Variants in CNTN4 observed in about 807,000 individuals in gnomAD.
The protein encoded by CNTN4 is contactin 4.
CNTN4 carries 77 observed loss-of-function variants against 122.5 expected under a neutral mutation model. The ratio of observed to expected loss-of-function variants is 0.63; its 90% CI spans 0.52 to 0.76. CNTN4 has a LOEUF of 0.76. Among genes scored for constraint, CNTN4 ranks in the 30% least tolerant of loss-of-function variants. The pLI is 0.00. For synonymous variants in CNTN4, 512 were observed against 447.0 expected, an observed-to-expected ratio of 1.15 and a Z score of -1.83; for missense variants, 1,256 against 1,259.1, an observed-to-expected ratio of 1.00 and a Z score of 0.04.
chr3:2,250,688 A>G (rs938274981), intron 2 of CNTN4, among the ~76,000 whole-genome samples: 1 of 151,890 alleles, frequency 6.6e-6, no homozygotes, highest in Non-Finnish European at 1.5e-5. Context: ...ATTTTGTCAC[A>G]CTATTTGCAT....
intron 3 of CNTN4, among the ~76,000 whole-genome samples, chr3:2,489,248 C>G (rs1403842490): frequency 6.6e-6 from 1 of 152,032 alleles, no homozygotes; most frequent in Non-Finnish European, 1.5e-5. Context: ...TTTAAGTATC[C>G]TAGAATTATC....
chr3:2,726,884 G>T (rs1282050321), intron 4 of CNTN4, among the ~76,000 whole-genome samples: 1 of 152,192 alleles, frequency 6.6e-6, no homozygotes, highest in African/African-American at 2.4e-5. Context: ...TACAGCACAG[G>T]AATGCAAGAT....
intron 2 of CNTN4, among the ~76,000 whole-genome samples, chr3:2,284,768 T>C (rs538743641): frequency 6.5e-4 from 99 of 151,848 alleles, no homozygotes; most frequent in Non-Finnish European, 6.3e-4. Context: ...AGTTAACTTA[T>C]GAGGTGAGTA....
intron 3 of CNTN4, among the ~76,000 whole-genome samples, chr3:2,432,124 C>T (rs1016671774): frequency 2.0e-5 from 3 of 152,254 alleles, no homozygotes; most frequent in African/African-American, 2.4e-5. Flanking sequence ...GATTTACTTA[C>T]GTAGAAGTGG....
At chr3:2,627,676 G>A (rs1021330552) in intron 4 of CNTN4, among the ~76,000 whole-genome samples, 1 of 151,818 alleles carries the variant, frequency 6.6e-6, no homozygotes, top group South Asian at 2.1e-4. Context: ...TGTATTTTTA[G>A]TAGAGACGGG....
chr3:2,755,777 A>G (rs1576672075), intron 6 of CNTN4, among the ~76,000 whole-genome samples: 4 of 152,336 alleles, frequency 2.6e-5, no homozygotes, highest in Middle Eastern at 3.4e-3. Context: ...TATGATATAT[A>G]TATGAAAATT....
intron 2 of CNTN4, among the ~76,000 whole-genome samples, chr3:2,150,488 C>G (rs2035450830): frequency 6.6e-6 from 1 of 152,048 alleles, no homozygotes; most frequent in African/African-American, 2.4e-5. Flanking sequence ...ATTTTCTTCC[C>G]CCTTGTTGGA....
chr3:3,040,154 G>A lies in CNTN4; in HGVS notation c.2281G>A (p.Val761Met), dbSNP rs763159501. ...VLASADASRYVFRNESVHPFS... is the reference protein window; with the variant it reads ...VLASADASRYMFRNESVHPFS... ...GGCCTCAGCTGATGCCTCTAGATAC[G>A]TGTTCAGGAATGAGAGCGTGCACCC... The change falls in exon 20 of 25, where the codon GTG becomes ATG. Residue 761 changes from valine (V) to methionine (M), a missense_variant. Coordinates refer to ENST00000418658, the MANE Select transcript of CNTN4 (RefSeq NM_175607.3). The A allele has an allele frequency of 5.0e-6, 8 of 1,614,150 alleles. No homozygotes were observed. The highest frequency in any genetic ancestry group is 1.1e-5 in the South Asian group (1 of 91,084).
intron 2 of CNTN4, among the ~76,000 whole-genome samples, chr3:2,108,098 TC>T (rs1206590356): frequency 6.6e-6 from 1 of 150,484 alleles, no homozygotes; most frequent in African/African-American, 2.5e-5. Flanking sequence ...GTTCCTATCC[TC>T]CCCCAGGCTT....
chr3:2,251,544 GA>G (rs2040379523), intron 2 of CNTN4, among the ~76,000 whole-genome samples: 1 of 151,778 alleles, frequency 6.6e-6, no homozygotes, highest in Non-Finnish European at 1.5e-5. Flanking sequence ...ATGAAAAAAA[GA>G]ATGAATTTGA....
chr3:2,822,317 C>G (rs183964394), intron 7 of CNTN4, among the ~76,000 whole-genome samples: 1 of 152,178 alleles, frequency 6.6e-6, no homozygotes, highest in Non-Finnish European at 1.5e-5. Flanking sequence ...CTCACTCTGC[C>G]TGTCTATAAA....
chr3:2,546,921 T>C (rs1284869095), intron 3 of CNTN4, among the ~76,000 whole-genome samples: 1 of 151,998 alleles, frequency 6.6e-6, no homozygotes, highest in Non-Finnish European at 1.5e-5. Context: ...AGCAGGAAAA[T>C]GTAAAATCAT....
chr3:2,481,419 G>A (rs13066125), intron 3 of CNTN4, among the ~76,000 whole-genome samples: 3 of 152,018 alleles, frequency 2.0e-5, no homozygotes, highest in African/African-American at 7.2e-5. Flanking sequence ...GGGATTACAG[G>A]TGTGAGCCAC....
intron 2 of CNTN4, among the ~76,000 whole-genome samples, chr3:2,327,267 T>C (rs759070094): frequency 6.6e-6 from 1 of 152,150 alleles, no homozygotes; most frequent in Non-Finnish European, 1.5e-5. Context: ...GATTTCCAAA[T>C]TGATGGATTT....
chr3:2,515,861 G>A (rs768449818), intron 3 of CNTN4, among the ~76,000 whole-genome samples: 1 of 151,948 alleles, frequency 6.6e-6, no homozygotes, highest in Non-Finnish European at 1.5e-5. Context: ...GGAATAGATG[G>A]AATGGCACAA....
chr3:2,716,578 G>A (rs982541496), intron 4 of CNTN4, among the ~76,000 whole-genome samples: 3 of 151,900 alleles, frequency 2.0e-5, no homozygotes, highest in African/African-American at 7.3e-5. Flanking sequence ...ATAAAAATTG[G>A]CTATAATTAT....
intron 4 of CNTN4, among the ~76,000 whole-genome samples, chr3:2,650,764 A>G (rs775453001): frequency 4.6e-5 from 7 of 152,194 alleles, no homozygotes; most frequent in Non-Finnish European, 7.3e-5. Context: ...AGTTATGTAC[A>G]TTGTGTTTTT....
At chr3:2,202,259 C>T (rs575951741) in intron 2 of CNTN4, among the ~76,000 whole-genome samples, 15 of 152,236 alleles carry the variant, frequency 9.9e-5, no homozygotes, top group African/African-American at 3.6e-4. Flanking sequence ...TTTCAAGGTT[C>T]CCTATCTTTA....
At chr3:2,192,645 G>A (rs1032469835) in intron 2 of CNTN4, among the ~76,000 whole-genome samples, 5 of 151,432 alleles carry the variant, frequency 3.3e-5, no homozygotes, top group East Asian at 1.9e-4. Context: ...CAGACACTTC[G>A]CAAAAGAAGA....
Sources: allele counts gnomAD v4.1 joint callset (sites outside exome capture counted in the v4.1 genomes callset), GRCh38; gene constraint gnomAD v4.1.1; transcripts MANE v1.5; gene names NCBI Gene and HGNC (gene_info 2026-07-23, HGNC 2026-07-21).